The following TBL1Y variants were observed in gnomAD, a reference collection of about 807,000 sequenced individuals.
The protein encoded by TBL1Y is F-box-like/WD repeat-containing protein TBL1Y.
TBL1Y carries 15 observed loss-of-function variants against 12.0 expected under a neutral mutation model. That is an observed-to-expected ratio of 1.25 (90% CI 0.83 to 1.92). TBL1Y has a LOEUF of 1.92. Among genes scored for constraint, TBL1Y ranks in the 40% most tolerant of loss-of-function variants. The pLI is 0.00. For synonymous variants in TBL1Y, 53 were observed against 42.6 expected (o/e 1.24, Z -0.95); for missense variants, 148 against 116.7 (o/e 1.27, Z -1.24).
chrY:7,063,891 C>T lies in TBL1Y; in HGVS notation c.205-6C>T. The T allele has an allele frequency of 2.5e-6, 1 of 397,807 alleles. No individual in the cohort carries two copies. Among genetic ancestry groups the T allele is most frequent in the Non-Finnish European group, 3.5e-6 (1 of 283,229 alleles). ...CTGATGGCTGTCCCTTGGCTTGCTT[C>T]CCCAGGATGGCACAGTGTTCGACAG... is the stretch of plus-strand genomic sequence containing the variant. On this transcript the variant is annotated splice_polypyrimidine_tract_variant and splice_region_variant and intron_variant, in intron 7 of 18. Coordinates refer to ENST00000383032, the MANE Select transcript of TBL1Y (RefSeq NM_033284.2).
At chrY:7,072,301 G>C in intron 12 of TBL1Y, among the ~76,000 whole-genome samples, 1 of 33,466 alleles carries the variant, frequency 3.0e-5, no homozygotes, top group African/African-American at 1.2e-4. Context: ...TATTTTTGTG[G>C]TTTTGATCTT....
intron 3 of TBL1Y, among the ~76,000 whole-genome samples, chrY:6,986,993 A>G (rs2012322857): frequency 9.0e-5 from 3 of 33,227 alleles, no homozygotes; most frequent in African/African-American, 3.6e-4. Flanking sequence ...TATCTCATAA[A>G]ATACATTGAA....
chrY:7,011,405 A>C, intron 4 of TBL1Y, among the ~76,000 whole-genome samples: 1 of 34,538 alleles, frequency 2.9e-5, no homozygotes, highest in Non-Finnish European at 7.3e-5. Flanking sequence ...CAACCTAAAA[A>C]ATTACAGACG....
chrY:6,998,148 A>G, intron 4 of TBL1Y, among the ~76,000 whole-genome samples: 1 of 34,147 alleles, frequency 2.9e-5, no homozygotes, highest in Non-Finnish European at 7.3e-5. Context: ...TGGAATGTAA[A>G]TGCCAAAAGC....
chrY:7,027,745 A>G, intron 6 of TBL1Y, among the ~76,000 whole-genome samples: 1 of 32,852 alleles, frequency 3.0e-5, no homozygotes, highest in Admixed American at 2.8e-4. Context: ...ACAGAACGAC[A>G]CTTCATCTCA....
intron 8 of TBL1Y, among the ~76,000 whole-genome samples, chrY:7,065,383 A>G (rs2012974080): frequency 3.1e-5 from 1 of 32,619 alleles, no homozygotes; most frequent in Non-Finnish European, 7.5e-5. Flanking sequence ...GACTGTGAGG[A>G]CTCCCCAGCC....
Position 6,973,567 on chromosome Y carries a change from C to A in TBL1Y, c.-265-4646C>A, listed in dbSNP as rs770059217. 1.2e-4 allele frequency among the ~76,000 whole-genome samples: 4 copies of A among 33,219 alleles called. No homozygotes were observed. In the South Asian group the frequency reaches 2.8e-3, roughly 23 times the overall value. The allele number at this position is 33,219 out of a possible 37,273, so 89.1% of individuals were successfully genotyped here. ...CAGGTGATAGAAAATTCTGACCAAA[C>A]CCAAAAGTTCCAGTATCAAAATTGA... On this transcript the variant is annotated intron_variant, in intron 2 of 18. Coordinates refer to ENST00000383032, the MANE Select transcript of TBL1Y (RefSeq NM_033284.2).
intron 3 of TBL1Y, among the ~76,000 whole-genome samples, chrY:6,995,588 A>AT (rs2012403646): frequency 6.3e-5 from 2 of 31,601 alleles, no homozygotes; most frequent in Non-Finnish European, 1.5e-4. Flanking sequence ...CTTAAAATTT[A>AT]TTTTTTTTAA....
rs756474070 is a variant in TBL1Y, at chrY:6,995,648, C to G, written c.-234-156C>G. Among the ~76,000 whole-genome samples, 21 of 32,231 alleles carry G rather than the reference C, an allele frequency of 6.5e-4. No individual in the cohort carries two copies. In the South Asian group the frequency reaches 0.015, roughly 24 times the overall value. 86.5% of individuals were successfully genotyped at this position (32,231 alleles called of 37,273 possible). On this transcript the variant is annotated intron_variant, in intron 3 of 18. Transcript: ENST00000383032. ...TTGCCCAGGCTGGAGTGCAGTAGTG[C>G]AATCTCAGTTCACTGCAACCTCTGC...
intron 2 of TBL1Y, among the ~76,000 whole-genome samples, chrY:6,940,091 T>TA (rs2011939694): frequency 4.7e-4 from 1 of 2,107 alleles, no homozygotes; most frequent in Non-Finnish European, 9.5e-4. Context: ...CTACTAAAAA[T>TA]ACAAAAAAAA....
chrY:6,958,361 A>T (rs963741815), intron 2 of TBL1Y, among the ~76,000 whole-genome samples: 1 of 33,354 alleles, frequency 3.0e-5, no homozygotes, highest in Non-Finnish European at 7.4e-5. Context: ...CATGTTAAGG[A>T]AGTTTGAAGA....
At chrY:7,030,360 G>T in intron 6 of TBL1Y, among the ~76,000 whole-genome samples, 1 of 34,110 alleles carries the variant, frequency 2.9e-5, no homozygotes, top group Non-Finnish European at 7.3e-5. Flanking sequence ...CAGGGTCACA[G>T]TTTCCATGGG....
At chrY:6,974,923 C>T in intron 2 of TBL1Y, among the ~76,000 whole-genome samples, 1 of 33,520 alleles carries the variant, frequency 3.0e-5, no homozygotes, top group Non-Finnish European at 7.3e-5. Flanking sequence ...CCACAAGAGA[C>T]CAGCAGCCCA....
At chrY:6,929,137 G>C (rs2011845831) in intron 2 of TBL1Y, among the ~76,000 whole-genome samples, 1 of 32,857 alleles carries the variant, frequency 3.0e-5, no homozygotes, top group Non-Finnish European at 7.6e-5. Context: ...CTGGCAGCCT[G>C]GTCCCCAGGC....
chrY:7,088,486 G>T, intron 17 of TBL1Y, among the ~76,000 whole-genome samples: 1 of 32,291 alleles, frequency 3.1e-5, no homozygotes, highest in African/African-American at 1.2e-4. Context: ...AGGGAAGGAA[G>T]GGAAGTGGTG....
intron 2 of TBL1Y, among the ~76,000 whole-genome samples, chrY:6,918,414 T>C (rs953459796): frequency 3.0e-5 from 1 of 32,923 alleles, no homozygotes; most frequent in African/African-American, 1.2e-4. Context: ...TTTTTACTTA[T>C]CTATTTGTTC....
Position 7,075,931 on chromosome Y carries a change from C to CT in TBL1Y, c.955+1326dup, listed in dbSNP as rs373310348. On this transcript the variant is annotated intron_variant, in intron 13 of 18. Coordinates refer to ENST00000383032, the MANE Select transcript of TBL1Y (RefSeq NM_033284.2). ...AAACATCAGTGAGGTTCCTCTAATT[C>CT]TTTTTTTTTTTTTTTGAGACTGAGT... Among the ~76,000 whole-genome samples, 105 of 26,026 alleles carry CT rather than the reference C, an allele frequency of 4.0e-3. No individual in the cohort carries two copies. The East Asian group carries it at 0.043, about 11-fold the overall frequency. 69.8% of individuals were successfully genotyped at this position (26,026 alleles called of 37,273 possible). A position where few individuals can be genotyped will look rare whatever the true frequency, so the allele number is the denominator to read the frequency against.
intron 6 of TBL1Y, among the ~76,000 whole-genome samples, chrY:7,031,994 G>A (rs1603041265): frequency 6.1e-5 from 2 of 32,861 alleles, no homozygotes; most frequent in Non-Finnish European, 1.5e-4. Flanking sequence ...TAAAATTCTC[G>A]ACACATTTGG....
chrY:7,067,004 C>A, intron 8 of TBL1Y, among the ~76,000 whole-genome samples: 2 of 33,473 alleles, frequency 6.0e-5, no homozygotes, highest in South Asian at 1.3e-3. Flanking sequence ...TTTTTTCCTG[C>A]TACTTGCGAG....
Sources: allele counts gnomAD v4.1 joint callset (sites outside exome capture counted in the v4.1 genomes callset), GRCh38; gene constraint gnomAD v4.1.1; transcripts MANE v1.5; gene names NCBI Gene and HGNC (gene_info 2026-07-23, HGNC 2026-07-21).